The following FBXL13 variants were observed in gnomAD, a reference collection of about 807,000 sequenced individuals.
FBXL13 encodes F-box and leucine rich repeat protein 13.
A neutral mutation model predicts 83.6 loss-of-function variants in FBXL13; 67 were observed. The observed-to-expected ratio is 0.80, with a 90% CI of 0.66 to 0.98. The LOEUF is 0.98. FBXL13 is among the 50% of genes least tolerant of loss of function. The probability of loss-of-function intolerance (pLI) is 0.00; values close to 1 mark genes in which losing one functional copy is unlikely to be tolerated. For synonymous variants in FBXL13, 272 were observed against 299.5 expected (o/e 0.91, Z 0.95); for missense variants, 822 against 866.5 (o/e 0.95, Z 0.64).
intron 8 of FBXL13, among the ~76,000 whole-genome samples, chr7:102,950,030 G>T (rs1823165282): frequency 6.6e-6 from 1 of 152,098 alleles, no homozygotes; most frequent in Non-Finnish European, 1.5e-5. Flanking sequence ...TGTTTGAACT[G>T]GGGAGATGTG....
intron 16 of FBXL13, among the ~76,000 whole-genome samples, chr7:102,860,979 TTA>T (rs921842581): frequency 2.7e-5 from 4 of 147,190 alleles, no homozygotes; most frequent in African/African-American, 1.0e-4. Flanking sequence ...TTATATATAG[TTA>T]TATATATATA....
At chr7:102,944,179 C>G (rs1471586598) in intron 8 of FBXL13, 5 of 1,564,494 alleles carry the variant, frequency 3.2e-6, no homozygotes, top group African/African-American at 2.7e-5. Context: ...AACTCAATTA[C>G]TCAGGCTCAA....
At chr7:102,883,529 T>G in intron 13 of FBXL13, 39 bp downstream of exon 14, 1 of 1,586,242 alleles carries the variant, frequency 6.3e-7, no homozygotes, top group Non-Finnish European at 8.6e-7. Context: ...AGAGTAAAAG[T>G]AAACAATAAT....
intron 11 of FBXL13, among the ~76,000 whole-genome samples, chr7:102,909,507 G>A (rs993794045): frequency 1.3e-5 from 2 of 152,068 alleles, no homozygotes; most frequent in African/African-American, 4.8e-5. Flanking sequence ...CTCACCTGAA[G>A]CCTGCAAGTC....
intron 19 of FBXL13, among the ~76,000 whole-genome samples, chr7:102,813,881 C>T (rs910714712): frequency 6.6e-6 from 1 of 152,104 alleles, no homozygotes; most frequent in Non-Finnish European, 1.5e-5. Flanking sequence ...AGTAACCTAA[C>T]CAGCCTACCT....
intron 6 of FBXL13, among the ~76,000 whole-genome samples, chr7:103,023,623 T>C (rs974073876): frequency 2.0e-5 from 3 of 152,190 alleles, no homozygotes; most frequent in Non-Finnish European, 4.4e-5. Flanking sequence ...CATTATTGGG[T>C]ATATGCCCAA....
chr7:102,851,591 CTCTT>C (rs936563400), intron 17 of FBXL13, among the ~76,000 whole-genome samples: 3 of 150,422 alleles, frequency 2.0e-5, no homozygotes, highest in African/African-American at 7.3e-5. Flanking sequence ...CTTTCTCTCT[CTCTT>C]TCTATTCCTA....
At chr7:103,058,983 G>A (rs1411525603) in intron 1 of FBXL13, among the ~76,000 whole-genome samples, 1 of 152,204 alleles carries the variant, frequency 6.6e-6, no homozygotes, top group Non-Finnish European at 1.5e-5. Context: ...CTGTTGGCCA[G>A]GTGTGGTGGT....
chr7:102,957,693 A>C (rs914875963), intron 8 of FBXL13, among the ~76,000 whole-genome samples: 5 of 152,168 alleles, frequency 3.3e-5, no homozygotes, highest in Non-Finnish European at 7.3e-5. Flanking sequence ...TACAAGAAAA[A>C]AAACAAACAA....
At chr7:102,856,156 C>T (rs899297389) in intron 16 of FBXL13, among the ~76,000 whole-genome samples, 15 of 152,152 alleles carry the variant, frequency 9.9e-5, no homozygotes, top group African/African-American at 3.1e-4. Context: ...TGATTGTTGA[C>T]TGTGGATTCT....
rs185567189 is a variant in FBXL13 at position 102,866,085 on chromosome 7, C to A, written c.1636-11225G>T. 2.0e-5 allele frequency among the ~76,000 whole-genome samples: 3 copies of A among 152,302 alleles called. No homozygotes were observed. The East Asian group carries it at 5.8e-4, about 29-fold the overall frequency. The stretch of plus-strand genomic sequence containing the variant: ...ATTGACCTACAAGTCTAAAGGAAAG[C>A]AAGCTTTGATCACCACACAGACATA... On this transcript the variant is annotated intron_variant, in intron 16 of 19. Transcript: ENST00000313221.
chr7:102,895,455 T>C (rs1410647381), intron 11 of FBXL13, among the ~76,000 whole-genome samples: 1 of 152,168 alleles, frequency 6.6e-6, no homozygotes, highest in Admixed American at 6.5e-5. Flanking sequence ...TGAAACACGG[T>C]CCAAACTCCT....
intron 10 of FBXL13, among the ~76,000 whole-genome samples, chr7:102,917,572 A>G (rs540743954): frequency 2.8e-4 from 42 of 152,342 alleles, no homozygotes; most frequent in Middle Eastern, 3.4e-3. Flanking sequence ...AAGGCACTGC[A>G]GCTATAGAGA....
intron 2 of FBXL13, among the ~76,000 whole-genome samples, chr7:103,030,685 CA>C (rs1794419263): frequency 1.3e-5 from 2 of 152,114 alleles, no homozygotes; most frequent in Non-Finnish European, 1.5e-5. Context: ...TAGTTCAAAA[CA>C]TTATAGTAAT....
intron 16 of FBXL13, among the ~76,000 whole-genome samples, chr7:102,873,527 T>A (rs774802147): frequency 6.6e-6 from 1 of 152,256 alleles, no homozygotes; most frequent in Non-Finnish European, 1.5e-5. Context: ...TTCACCTGGA[T>A]GACTACTTGA....
chr7:103,003,888 G>GT (rs1440610345), intron 6 of FBXL13, among the ~76,000 whole-genome samples: 9 of 152,116 alleles, frequency 5.9e-5, no homozygotes, highest in Admixed American at 5.9e-4. Flanking sequence ...TTCTGTTTGA[G>GT]TTTTTAAAAC....
rs189593368 is a variant in FBXL13 at position 102,872,422 on chromosome 7, C to T, written c.1635+5045G>A. On this transcript the variant is annotated intron_variant, in intron 16 of 19. Coordinates refer to ENST00000313221, the Ensembl canonical transcript of FBXL13. ...TCTAGTGAGGGGACTCCAGGACCTA[C>T]ATAACAGGCGCTCAAGATCTTGTAC... 5.5e-4 allele frequency among the ~76,000 whole-genome samples: 84 copies of T among 152,292 alleles called. No individual in the cohort carries two copies. In the Middle Eastern group the frequency reaches 0.01, roughly 19 times the overall value.
intron 10 of FBXL13, among the ~76,000 whole-genome samples, chr7:102,916,115 C>T (rs1815815217): frequency 6.6e-6 from 1 of 152,018 alleles, no homozygotes; most frequent in African/African-American, 2.4e-5. Context: ...TCCCAAGTAG[C>T]TGGGATTACA....
chr7:102,852,388 G>A (rs1247970532), intron 17 of FBXL13, among the ~76,000 whole-genome samples: 1 of 152,116 alleles, frequency 6.6e-6, no homozygotes, highest in South Asian at 2.1e-4. Context: ...AATCAGCAGA[G>A]TAAACAGACA....
Sources: allele counts gnomAD v4.1 joint callset (sites outside exome capture counted in the v4.1 genomes callset), GRCh38; gene constraint gnomAD v4.1.1; transcripts MANE v1.5; gene names NCBI Gene and HGNC (gene_info 2026-07-23, HGNC 2026-07-21).